CHRDL2: variants seen among roughly 807,000 people sequenced by gnomAD.
CHRDL2 encodes chordin like 2, also known as chordin-like protein 2.
In CHRDL2, 41 loss-of-function variants were observed where a neutral mutation model predicts 54.3. The ratio of observed to expected loss-of-function variants is 0.76; its 90% confidence interval spans 0.59 to 0.98. The LOEUF (loss-of-function observed/expected upper bound fraction) is 0.98, where lower values mean the gene tolerates loss of function less well. CHRDL2 is among the 50% of genes least tolerant of loss of function. The pLI is 0.00. For synonymous variants in CHRDL2, 220 were observed against 224.3 expected (o/e 0.98, Z 0.17); for missense variants, 518 against 562.4 (o/e 0.92, Z 0.80).
At chr11:74,714,259 C>A (rs1453338976) in intron 2 of CHRDL2, among the ~76,000 whole-genome samples, 1 of 152,120 alleles carries the variant, frequency 6.6e-6, no homozygotes, top group Non-Finnish European at 1.5e-5. Flanking sequence ...CCGATTCAAC[C>A]ACGAATTCCA....
chr11:74,704,700 GC>G, intron 6 of CHRDL2, 46 bp from the exon 7 acceptor site: 1 of 1,575,294 alleles, frequency 6.3e-7, no homozygotes, highest in Non-Finnish European at 8.6e-7. Flanking sequence ...AGCATAGCAG[GC>G]CCCAGCTGGA....
chr11:74,696,722 G>A (rs1029136808), intron 10 of CHRDL2, 137 bp from the exon 11 acceptor site: 1 of 665,610 alleles, frequency 1.5e-6, no homozygotes, highest in Non-Finnish European at 2.7e-6. Flanking sequence ...AGGGAGCCTG[G>A]AGGCGAGTGT....
intron 1 of CHRDL2, among the ~76,000 whole-genome samples, chr11:74,719,929 C>T (rs1435498261): frequency 2.0e-5 from 3 of 152,112 alleles, no homozygotes; most frequent in Non-Finnish European, 2.9e-5. Context: ...CTGCCTCCCG[C>T]CCTATCCTCA....
intron 1 of CHRDL2, among the ~76,000 whole-genome samples, chr11:74,729,710 G>A (rs1291555209): frequency 1.3e-5 from 2 of 152,218 alleles, no homozygotes; most frequent in Admixed American, 6.5e-5. Flanking sequence ...AGTTGGGAAC[G>A]CAGGGTCTTA....
At chr11:74,702,640 T>A (rs1436828159) in intron 9 of CHRDL2, among the ~76,000 whole-genome samples, 154 bp downstream of exon 9, 1 of 152,254 alleles carries the variant, frequency 6.6e-6, no homozygotes, top group African/African-American at 2.4e-5. Flanking sequence ...AGGCTCACTA[T>A]CTTCCTGCAT....
At chr11:74,730,676 T>G (rs1267983804) in intron 1 of CHRDL2, 131 bp downstream of exon 1, 1 of 828,740 alleles carries the variant, frequency 1.2e-6, no homozygotes, top group Non-Finnish European at 2.0e-6. Context: ...CCTCACGGAG[T>G]CTCCACCCCT....
intron 1 of CHRDL2, among the ~76,000 whole-genome samples, chr11:74,723,507 C>T (rs181525743): frequency 3.6e-4 from 55 of 152,090 alleles, no homozygotes; most frequent in African/African-American, 1.3e-3. Flanking sequence ...CCATTTTTTT[C>T]CTTTCCTTAT....
rs913021899 is a variant in CHRDL2 at position 74,704,336 on chromosome 11, G to A, written c.751+150C>T. 2.4e-5 allele frequency: 15 copies of A among 637,512 alleles called. No individual in the cohort carries two copies. In the Admixed American group the frequency reaches 3.0e-4, roughly 13 times the overall value. The allele number at this position is 637,512 out of a possible 1,614,324, so 39.5% of individuals were successfully genotyped here. A position where few individuals can be genotyped will look rare whatever the true frequency, so the allele number is the denominator to read the frequency against. On this transcript the variant is annotated intron_variant, in intron 7 of 10. Coordinates refer to ENST00000376332, the MANE Select transcript of CHRDL2 (RefSeq NM_001278473.3). ...TGATCTTTAAGAGCACCCTCATTCA[G>A]TTTTGGCGTTCTCCGAGTCTACAAG...
intron 4 of CHRDL2, among the ~76,000 whole-genome samples, chr11:74,710,140 C>T (rs1467832009): frequency 1.3e-5 from 2 of 150,254 alleles, no homozygotes; most frequent in Non-Finnish European, 2.9e-5. Flanking sequence ...GGCATGAACC[C>T]GGGAGGCGGA....
At chr11:74,713,317 T>C in intron 3 of CHRDL2, 69 bp downstream of exon 3, 1 of 1,390,080 alleles carries the variant, frequency 7.2e-7, no homozygotes. Context: ...GGGGTCTCCC[T>C]CAGCTAGAGG....
intron 9 of CHRDL2, chr11:74,697,588 A>G (rs3741123): frequency 0.91 from 467,015 of 515,060 alleles, 212,978 homozygotes; most frequent in African/African-American, 0.97. Flanking sequence ...TCATTAGAAC[A>G]TGTATACGTC....
intron 1 of CHRDL2, among the ~76,000 whole-genome samples, chr11:74,730,124 A>T (rs560285274): frequency 2.0e-5 from 3 of 152,166 alleles, no homozygotes; most frequent in Non-Finnish European, 4.4e-5. Flanking sequence ...AGCAGCTGGC[A>T]TTCAGCGGGG....
chr11:74,707,216 A>T (rs1009492828), intron 5 of CHRDL2, among the ~76,000 whole-genome samples: 1 of 152,234 alleles, frequency 6.6e-6, no homozygotes, highest in African/African-American at 2.4e-5. Flanking sequence ...CTGTGTTAGA[A>T]ATCACAGGGC....
At chr11:74,727,272 T>G (rs932894459) in intron 1 of CHRDL2, among the ~76,000 whole-genome samples, 2 of 152,172 alleles carry the variant, frequency 1.3e-5, no homozygotes, top group Non-Finnish European at 2.9e-5. Flanking sequence ...TGATTCCAGG[T>G]TTGCCCTCCA....
intron 1 of CHRDL2, among the ~76,000 whole-genome samples, chr11:74,724,938 A>C (rs997799831): frequency 3.9e-5 from 6 of 152,148 alleles, no homozygotes; most frequent in Non-Finnish European, 5.9e-5. Context: ...GTTAACAAAG[A>C]GGGAGAGATT....
intron 3 of CHRDL2, among the ~76,000 whole-genome samples, chr11:74,711,777 C>T (rs2034199061): frequency 1.3e-5 from 2 of 151,846 alleles, no homozygotes; most frequent in Non-Finnish European, 2.9e-5. Context: ...GAGTTCGAGA[C>T]TGGCCTGGGC....
Position 74,710,869 on chromosome 11 carries a change from A to T in CHRDL2, c.412T>A (p.Cys138Ser), listed in dbSNP as rs1486016894. ...CTTACTGTGCAGCTGCAGAGGACAC[A>T]CTGGTTGGGCAGGCGGGAGGGGAAC... ...ELFPSRLPNQ[C>S]VLCSCTEGQI... is the part of the protein sequence containing the mutation. Residue 138 changes from cysteine (C) to serine (S), a missense_variant, in exon 4 of 11, where the codon TGT becomes AGT. Cys to Ser is a moderately radical substitution (Grantham distance 112). Coordinates refer to ENST00000376332, the MANE Select transcript of CHRDL2 (RefSeq NM_001278473.3). 6.2e-7 allele frequency: 1 copy of T among 1,613,972 alleles called. No individual in the cohort carries two copies. The highest frequency in any genetic ancestry group is 8.5e-7 in the Non-Finnish European group (1 of 1,180,026).
chr11:74,703,874 C>T (rs11607100), intron 7 of CHRDL2, among the ~76,000 whole-genome samples: 7,004 of 152,202 alleles, frequency 0.046, 202 homozygotes, highest in African/African-American at 0.06. Flanking sequence ...CTCAGTGTCC[C>T]ATCTGAACAA....
intron 6 of CHRDL2, among the ~76,000 whole-genome samples, 180 bp downstream of exon 6, chr11:74,706,307 G>A (rs936032034): frequency 6.6e-5 from 10 of 152,080 alleles, no homozygotes; most frequent in Admixed American, 5.2e-4. Flanking sequence ...AACCATGATG[G>A]GACCCATGAT....
Sources: allele counts gnomAD v4.1 joint callset (sites outside exome capture counted in the v4.1 genomes callset), GRCh38; gene constraint gnomAD v4.1.1; transcripts MANE v1.5; gene names NCBI Gene and HGNC (gene_info 2026-07-23, HGNC 2026-07-21).